Variants in PTP4A2 observed in about 807,000 individuals in gnomAD.
The protein encoded by PTP4A2 is protein tyrosine phosphatase type IVA 2.
Under a neutral mutation model 22.9 loss-of-function variants are expected in PTP4A2, and 2 were observed. That is an observed-to-expected ratio of 0.09 (90% CI 0.04 to 0.27). PTP4A2 has a LOEUF of 0.27. Among genes scored for constraint, PTP4A2 ranks in the 10% least tolerant of loss-of-function variants. The probability of loss-of-function intolerance (pLI) is 1.00; values close to 1 mark genes in which losing one functional copy is unlikely to be tolerated. For synonymous variants in PTP4A2, 68 were observed against 69.1 expected, an observed-to-expected ratio of 0.98 and a Z score of 0.08; for missense variants, 103 against 205.1, an observed-to-expected ratio of 0.50 and a Z score of 3.04.
chr1:31,935,302 T>A (rs775470466), intron 1 of PTP4A2, among the ~76,000 whole-genome samples: 1 of 152,068 alleles, frequency 6.6e-6, no homozygotes, highest in Non-Finnish European at 1.5e-5. Flanking sequence ...CCAAGAGAGT[T>A]TCAAGGCATA....
At chr1:31,922,109 G>A (rs1652184150) in intron 1 of PTP4A2, among the ~76,000 whole-genome samples, 1 of 152,160 alleles carries the variant, frequency 6.6e-6, no homozygotes, top group African/African-American at 2.4e-5. Context: ...GATTACAGAG[G>A]AAAACATTTC....
chr1:31,908,151 TA>T lies in PTP4A2; in HGVS notation c.*700del, dbSNP rs55961668. On this transcript the variant is annotated 3_prime_UTR_variant, in exon 6 of 6. Coordinates refer to ENST00000647444, the MANE Select transcript of PTP4A2 (RefSeq NM_080391.4). Reference sequence around the variant, plus strand: ...ATATATATATTATATTATATATATATATATATATATATATATATATATATAT... The same window carrying T: ...ATATATATATTATATTATATATATATTATATATATATATATATATATATAT... 0.016 allele frequency: 18 copies of T among 1,124 alleles called. 2 individuals carry two copies. Among genetic ancestry groups the T allele is most frequent in the African/African-American group, 0.044 (17 of 390 alleles). The allele number at this position is 1,124 out of a possible 1,614,324, so 0.1% of individuals were successfully genotyped here.
At chr1:31,918,054 C>T (rs1651946136) in intron 2 of PTP4A2, among the ~76,000 whole-genome samples, 2 of 151,760 alleles carry the variant, frequency 1.3e-5, no homozygotes, top group Non-Finnish European at 2.9e-5. Context: ...TCAAGACCAT[C>T]CTGGCTAACA....
At chr1:31,910,261 T>C (rs1557860360) in intron 4 of PTP4A2, 149 bp from the exon 5 acceptor site, 29 of 576,454 alleles carry the variant, frequency 5.0e-5, no homozygotes, top group Non-Finnish European at 3.1e-6. Context: ...ACAGTAAATA[T>C]ATCTCATCAT....
At chr1:31,928,364 T>A (rs1652569645) in intron 1 of PTP4A2, among the ~76,000 whole-genome samples, 2 of 151,306 alleles carry the variant, frequency 1.3e-5, no homozygotes, top group Admixed American at 1.3e-4. Context: ...ATCCAAAATG[T>A]CAGTGAATAA....
intron 1 of PTP4A2, among the ~76,000 whole-genome samples, chr1:31,930,452 A>C (rs1312318415): frequency 6.6e-6 from 1 of 152,210 alleles, no homozygotes. Flanking sequence ...GTCCTGTTCC[A>C]GTATTAATCC....
intron 1 of PTP4A2, among the ~76,000 whole-genome samples, chr1:31,936,519 C>T (rs780167769): frequency 3.3e-5 from 5 of 152,150 alleles, no homozygotes; most frequent in African/African-American, 7.2e-5. Flanking sequence ...CTACCAACTT[C>T]TAGGAGACAT....
At chr1:31,936,344 C>T (rs992579242) in intron 1 of PTP4A2, among the ~76,000 whole-genome samples, 29 of 151,418 alleles carry the variant, frequency 1.9e-4, no homozygotes, top group Admixed American at 1.5e-3. Context: ...GAGGCTGAGG[C>T]GGGAAGATCA....
intron 5 of PTP4A2, among the ~76,000 whole-genome samples, chr1:31,909,755 A>T (rs146841828): frequency 9.1e-4 from 139 of 152,210 alleles, no homozygotes; most frequent in African/African-American, 3.2e-3. Context: ...TTATATTTGG[A>T]AGGTATTTGG....
At chr1:31,922,211 G>A (rs535721500) in intron 1 of PTP4A2, among the ~76,000 whole-genome samples, 17 of 152,330 alleles carry the variant, frequency 1.1e-4, no homozygotes, top group Admixed American at 2.0e-4. Flanking sequence ...TTGGCCGGGC[G>A]TGATGGCTCA....
intron 1 of PTP4A2, among the ~76,000 whole-genome samples, chr1:31,929,513 T>A (rs1228263720): frequency 2.0e-5 from 3 of 152,228 alleles, no homozygotes; most frequent in Non-Finnish European, 4.4e-5. Flanking sequence ...CAAGCCCCTT[T>A]ATTATAAAGT....
In PTP4A2 at chr1:31,934,792, G is replaced by A. The variant is rs559574812; in HGVS notation, c.-594+3195C>T. ...CATTTACTCTTCCTAGTGCTACAAA[G>A]TTCAATGATGTTGTAAATGGTTTCT... On this transcript the variant is annotated intron_variant, in intron 1 of 5. Transcript: ENST00000647444. Among the ~76,000 whole-genome samples, 4 of 152,214 alleles carry A rather than the reference G, an allele frequency of 2.6e-5. No homozygotes were observed. In the East Asian group the frequency reaches 7.7e-4, roughly 29 times the overall value.
Position 31,910,061 on chromosome 1 carries a change from T to G in PTP4A2, c.372A>C (p.Glu124Asp), listed in dbSNP as rs1280579369. The G allele has an allele frequency of 6.2e-7, 1 of 1,613,526 alleles. No individual in the cohort carries two copies. ...LALIECGMKY[E>D]DAVQFIRQKR... ...ACTGTCTTATAAACTGAACTGCATC[T>G]TCGTACTTCATTCCACATTCAATCA... is the stretch of plus-strand genomic sequence containing the variant. Residue 124 changes from glutamate to aspartate, a missense_variant, in exon 5 of 6, where the codon GAA (glutamate) becomes GAC (aspartate). Coordinates refer to ENST00000647444, the MANE Select transcript of PTP4A2 (RefSeq NM_080391.4).
intron 2 of PTP4A2, among the ~76,000 whole-genome samples, chr1:31,916,378 C>T (rs652596): frequency 3.2e-5 from 4 of 123,572 alleles, no homozygotes; most frequent in East Asian, 4.8e-4. Flanking sequence ...AAAAAGAAAT[C>T]TACTATTATA....
At chr1:31,910,868 A>G (rs572827596) in intron 4 of PTP4A2, 1 of 152,344 alleles carries the variant, frequency 6.6e-6, no homozygotes, top group African/African-American at 2.4e-5. Context: ...ATGAGCTAGG[A>G]AAATGCCCAA....
intron 1 of PTP4A2, among the ~76,000 whole-genome samples, chr1:31,928,068 ATCC>A (rs1652547970): frequency 6.6e-6 from 1 of 151,468 alleles, no homozygotes; most frequent in South Asian, 2.1e-4. Flanking sequence ...AGTTCTATCT[ATCC>A]TCTGCACTAC....
chr1:31,930,359 A>G (rs933681893), intron 1 of PTP4A2, among the ~76,000 whole-genome samples: 1 of 152,032 alleles, frequency 6.6e-6, no homozygotes, highest in Non-Finnish European at 1.5e-5. Context: ...AAAAAATACC[A>G]TATCTCAGAA....
intron 2 of PTP4A2, among the ~76,000 whole-genome samples, chr1:31,917,222 C>T (rs1002603621): frequency 1.3e-5 from 2 of 152,184 alleles, no homozygotes; most frequent in South Asian, 2.1e-4. Flanking sequence ...TGAGGGCATA[C>T]AGGCGTAGAA....
intron 4 of PTP4A2, chr1:31,910,435 G>C (rs2124139653): frequency 5.1e-6 from 1 of 196,534 alleles, no homozygotes; most frequent in South Asian, 1.2e-4. Context: ...GACTATAGGT[G>C]CCCGCCACCA....
Sources: allele counts gnomAD v4.1 joint callset (sites outside exome capture counted in the v4.1 genomes callset), GRCh38; gene constraint gnomAD v4.1.1; transcripts MANE v1.5; gene names NCBI Gene and HGNC (gene_info 2026-07-23, HGNC 2026-07-21).